Variants in SDCCAG8 observed in about 807,000 individuals in gnomAD.
SDCCAG8 encodes SHH signaling and ciliogenesis regulator SDCCAG8.
In SDCCAG8, 74 loss-of-function variants were observed where a neutral mutation model predicts 101.8. That is an observed-to-expected ratio of 0.73 (90% CI 0.60 to 0.88). The LOEUF (loss-of-function observed/expected upper bound fraction) is 0.88, where lower values mean the gene tolerates loss of function less well. SDCCAG8 is among the 40% of genes least tolerant of loss of function. The pLI, the probability that SDCCAG8 is intolerant of heterozygous loss-of-function variation, is 0.00. For synonymous variants in SDCCAG8, 281 were observed against 292.9 expected (o/e 0.96, Z 0.41); for missense variants, 787 against 822.6 (o/e 0.96, Z 0.53).
chr1:243,297,937 T>C (rs937900516), intron 6 of SDCCAG8, among the ~76,000 whole-genome samples: 13 of 152,186 alleles, frequency 8.5e-5, no homozygotes, highest in Admixed American at 8.5e-4. Flanking sequence ...GAACTTCAGT[T>C]TGTTTTCCTT....
intron 13 of SDCCAG8, among the ~76,000 whole-genome samples, chr1:243,382,837 G>A (rs1338918229): frequency 2.0e-5 from 3 of 152,182 alleles, no homozygotes; most frequent in South Asian, 2.1e-4. Context: ...TCTTCAGAAG[G>A]TATTTGGAGT....
At chr1:243,448,892 T>A (rs2083139996) in intron 16 of SDCCAG8, among the ~76,000 whole-genome samples, 1 of 152,214 alleles carries the variant, frequency 6.6e-6, no homozygotes, top group South Asian at 2.1e-4. Flanking sequence ...TTATCATCCT[T>A]TTTATCTCCT....
At position 243,307,051 on chromosome 1, in the gene SDCCAG8, G is replaced by GT. The variant is rs1159311378; in HGVS notation, c.741-929dup. On this transcript the variant is annotated intron_variant, in intron 7 of 17. Coordinates refer to ENST00000366541, the MANE Select transcript of SDCCAG8 (RefSeq NM_006642.5). ...AGTAGTCTCATTTTTCAGCTAGAAA[G>GT]TTTTTTTTTGTTTTTTTTTTTTTTG... Among the ~76,000 whole-genome samples, 15 of 147,082 alleles carry GT rather than the reference G, an allele frequency of 1.0e-4. No individual in the cohort carries two copies. The East Asian group carries it at 1.2e-3, about 12-fold the overall frequency.
At chr1:243,332,251 A>G (rs902307299) in intron 10 of SDCCAG8, among the ~76,000 whole-genome samples, 1 of 152,222 alleles carries the variant, frequency 6.6e-6, no homozygotes, top group Non-Finnish European at 1.5e-5. Context: ...AATGGCTTTA[A>G]AATCCATATG....
intron 12 of SDCCAG8, among the ~76,000 whole-genome samples, chr1:243,365,483 C>T (rs766043828): frequency 6.6e-6 from 1 of 152,096 alleles, no homozygotes; most frequent in Non-Finnish European, 1.5e-5. Context: ...TTTATATTCC[C>T]TTTAGCAATC....
At chr1:243,359,588 G>T (rs529935295) in intron 12 of SDCCAG8, among the ~76,000 whole-genome samples, 2 of 152,288 alleles carry the variant, frequency 1.3e-5, no homozygotes, top group African/African-American at 4.8e-5. Context: ...GCACAAGCGG[G>T]TGCAACAGAT....
chr1:243,270,495 G>T (rs973652600), intron 2 of SDCCAG8, among the ~76,000 whole-genome samples: 2 of 152,144 alleles, frequency 1.3e-5, no homozygotes, highest in Non-Finnish European at 2.9e-5. Flanking sequence ...GCTCTAACCT[G>T]CCTCTTCGGC....
At chr1:243,485,949 A>C (rs1664707304) in intron 16 of SDCCAG8, among the ~76,000 whole-genome samples, 1 of 151,790 alleles carries the variant, frequency 6.6e-6, no homozygotes, top group African/African-American at 2.4e-5. Flanking sequence ...CTGTAATCCC[A>C]GCACTTTGGG....
intron 1 of SDCCAG8, among the ~76,000 whole-genome samples, chr1:243,263,985 TTTCTGCA>T (rs1203177050): frequency 6.6e-6 from 1 of 152,218 alleles, no homozygotes; most frequent in Non-Finnish European, 1.5e-5. Flanking sequence ...TGGTTTTATT[TTTCTGCA>T]TGTCTGCCCT....
intron 13 of SDCCAG8, among the ~76,000 whole-genome samples, chr1:243,394,090 G>A (rs1025746815): frequency 6.6e-6 from 1 of 152,156 alleles, no homozygotes; most frequent in Non-Finnish European, 1.5e-5. Context: ...GTATTAAAAC[G>A]ACGACTTTAA....
intron 17 of SDCCAG8, among the ~76,000 whole-genome samples, chr1:243,496,050 T>G (rs902087015): frequency 6.6e-6 from 1 of 152,228 alleles, no homozygotes; most frequent in African/African-American, 2.4e-5. Context: ...TGCCTCATAT[T>G]ACCCAGAGCC....
chr1:243,368,481 C>T (rs2077111579), intron 12 of SDCCAG8, among the ~76,000 whole-genome samples: 1 of 152,136 alleles, frequency 6.6e-6, no homozygotes, highest in Non-Finnish European at 1.5e-5. Context: ...GAATTACCAG[C>T]TTTGCAAAAC....
chr1:243,429,695 ATTTT>A (rs796450909), intron 16 of SDCCAG8, among the ~76,000 whole-genome samples: 2 of 92,924 alleles, frequency 2.2e-5, no homozygotes, highest in Non-Finnish European at 2.0e-5. Context: ...TGCTCTGCTA[ATTTT>A]TTTTTTTTTT....
intron 16 of SDCCAG8, among the ~76,000 whole-genome samples, chr1:243,464,092 G>T (rs1659670496): frequency 6.6e-6 from 1 of 152,178 alleles, no homozygotes; most frequent in South Asian, 2.1e-4. Context: ...GGGAACAAAA[G>T]TGGCTATCAC....
At chr1:243,392,076 C>G (rs1482281424) in intron 13 of SDCCAG8, among the ~76,000 whole-genome samples, 1 of 152,126 alleles carries the variant, frequency 6.6e-6, no homozygotes, top group Non-Finnish European at 1.5e-5. Context: ...TACTTGATTT[C>G]CTACAGACCT....
At chr1:243,340,200 T>C (rs893220285) in intron 10 of SDCCAG8, among the ~76,000 whole-genome samples, 1 of 152,068 alleles carries the variant, frequency 6.6e-6, no homozygotes, top group Non-Finnish European at 1.5e-5. Flanking sequence ...CTAAAAACAG[T>C]GGGATGAGTA....
At chr1:243,443,478 A>G (rs557117187) in intron 16 of SDCCAG8, among the ~76,000 whole-genome samples, 105 of 152,298 alleles carry the variant, frequency 6.9e-4, no homozygotes, top group Non-Finnish European at 1.3e-3. Context: ...GTGCACACAC[A>G]TAATTGTGTG....
chr1:243,256,456 A>G (rs547648718), intron 1 of SDCCAG8, among the ~76,000 whole-genome samples: 4 of 152,350 alleles, frequency 2.6e-5, no homozygotes, highest in African/African-American at 7.2e-5. Context: ...AGTTACCTCA[A>G]TCAACTCCTT....
chr1:243,387,782 C>T (rs965908737), intron 13 of SDCCAG8, among the ~76,000 whole-genome samples: 39 of 152,276 alleles, frequency 2.6e-4, no homozygotes, highest in Admixed American at 7.2e-4. Flanking sequence ...GTGGTGTGGT[C>T]TTGGCTCACT....
Sources: gnomAD v4.1 joint callset for allele counts (sites outside exome capture counted in the v4.1 genomes callset) on GRCh38, gnomAD v4.1.1 for gene constraint, MANE v1.5 for transcripts, NCBI Gene and HGNC (gene_info 2026-07-23, HGNC 2026-07-21) for gene names.